E2F3: variants seen among roughly 807,000 people sequenced by gnomAD.
E2F3 encodes the protein transcription factor E2F3.
A neutral mutation model predicts 44.4 loss-of-function variants in E2F3; 11 were observed. The ratio of observed to expected loss-of-function variants is 0.25; its 90% confidence interval spans 0.16 to 0.41. The LOEUF is 0.41. E2F3 is among the 10% of genes least tolerant of loss of function. The pLI is 1.00. For missense variants in E2F3, 487 were observed against 583.6 expected, an observed-to-expected ratio of 0.83 and a Z score of 1.70; for synonymous variants, 249 against 253.0, an observed-to-expected ratio of 0.98 and a Z score of 0.15.
chr6:20,437,278 A>G (rs887431969), intron 1 of E2F3, among the ~76,000 whole-genome samples: 2 of 152,216 alleles, frequency 1.3e-5, no homozygotes, highest in African/African-American at 4.8e-5. Flanking sequence ...TAGCTTTTGA[A>G]ATGGCATCAA....
chr6:20,413,077 G>A (rs984447449), intron 1 of E2F3, among the ~76,000 whole-genome samples: 1 of 152,160 alleles, frequency 6.6e-6, no homozygotes, highest in Non-Finnish European at 1.5e-5. Flanking sequence ...ATTAATAAGT[G>A]GGGCAACTGA....
At chr6:20,481,178 A>C (rs1165868810) in intron 2 of E2F3, 28 bp from the exon 3 acceptor site, 1 of 1,608,454 alleles carries the variant, frequency 6.2e-7, no homozygotes, top group Admixed American at 1.7e-5. Flanking sequence ...CCTATCCCCC[A>C]CCCGCTCGGT....
At chr6:20,403,684 CA>C in intron 1 of E2F3, 3 of 566,076 alleles carry the variant, frequency 5.3e-6, no homozygotes, top group Non-Finnish European at 6.0e-6. Context: ...CCGGCACCGC[CA>C]CCCTCCCTCT....
intron 1 of E2F3, among the ~76,000 whole-genome samples, chr6:20,418,873 G>T (rs1023559945): frequency 2.0e-5 from 3 of 150,956 alleles, no homozygotes; most frequent in African/African-American, 2.4e-5. Context: ...CTTGTTTTTA[G>T]TACCTGCTTA....
At chr6:20,411,940 A>G (rs1759687506) in intron 1 of E2F3, among the ~76,000 whole-genome samples, 1 of 152,188 alleles carries the variant, frequency 6.6e-6, no homozygotes, top group East Asian at 1.9e-4. Flanking sequence ...TGCAGTGCCC[A>G]CTACACTATA....
chr6:20,416,648 G>T (rs1048939342), intron 1 of E2F3, among the ~76,000 whole-genome samples: 2 of 152,186 alleles, frequency 1.3e-5, no homozygotes, highest in African/African-American at 4.8e-5. Flanking sequence ...CAGCACTGGT[G>T]TATGGCTTAA....
At chr6:20,437,874 G>T (rs1022994720) in intron 1 of E2F3, 1 of 152,252 alleles carries the variant, frequency 6.6e-6, no homozygotes, top group Non-Finnish European at 1.5e-5. Flanking sequence ...ATGGAGAGCA[G>T]CCTTCGTGGC....
intron 3 of E2F3, among the ~76,000 whole-genome samples, chr6:20,482,411 G>C (rs1288744109): frequency 7.7e-6 from 1 of 129,852 alleles, no homozygotes; most frequent in Non-Finnish European, 1.6e-5. Context: ...ATCCTTTTTC[G>C]CCTTTCTTCC....
At position 20,402,497 on chromosome 6, in the gene E2F3, C is replaced by T. The variant is rs759274608; in HGVS notation, c.265C>T (p.Pro89Ser). The change falls in exon 1 of 7, where the codon CCC (proline) becomes TCC (serine). Residue 89 changes from proline (P) to serine (S), a missense_variant. Physicochemically the swap from Pro to Ser is moderately conservative, Grantham distance 74 (BLOSUM62 -1). Transcript: ENST00000346618. This position sits in a 1 kb window ranked among gnomAD's most constrained non-coding sequence, Gnocchi z 5.6. The part of the protein sequence containing the change: ...VAAGPLLPSA[P>S]GAEQTAGSLL... ...CGCCGGCCCCCTCCTCCCCAGTGCCCCCGGCGCGGAGCAGACCGCCGGCAG... is the reference window on the plus strand; with the variant it reads ...CGCCGGCCCCCTCCTCCCCAGTGCCTCCGGCGCGGAGCAGACCGCCGGCAG... 2 of 1,606,312 alleles carry T rather than the reference C, an allele frequency of 1.2e-6. No homozygotes were observed. Among genetic ancestry groups the T allele is most frequent in the Admixed American group, 1.7e-5 (1 of 59,916 alleles).
chr6:20,413,871 G>A (rs1249385371), intron 1 of E2F3, among the ~76,000 whole-genome samples: 1 of 152,214 alleles, frequency 6.6e-6, no homozygotes, highest in Non-Finnish European at 1.5e-5. Context: ...GAAGTGAAGG[G>A]CAGATTAAGG....
intron 1 of E2F3, among the ~76,000 whole-genome samples, chr6:20,428,634 G>T (rs987629388): frequency 1.3e-5 from 2 of 152,174 alleles, no homozygotes; most frequent in Admixed American, 1.3e-4. Context: ...GGGTCAGAAA[G>T]GTTAGCCCTC....
chr6:20,462,049 C>T (rs1186275121), intron 1 of E2F3, among the ~76,000 whole-genome samples: 2 of 152,060 alleles, frequency 1.3e-5, no homozygotes, highest in African/African-American at 4.8e-5. Context: ...CTAGGAATCC[C>T]CTATTCCTGT....
intron 1 of E2F3, among the ~76,000 whole-genome samples, chr6:20,433,684 A>G (rs1374196426): frequency 6.6e-6 from 1 of 152,152 alleles, no homozygotes; most frequent in Non-Finnish European, 1.5e-5. Flanking sequence ...ATTGCTTTTT[A>G]ATATTTTGAA....
intron 1 of E2F3, among the ~76,000 whole-genome samples, chr6:20,439,287 A>C (rs939268135): frequency 7.2e-5 from 11 of 152,268 alleles, no homozygotes; most frequent in Admixed American, 2.0e-4. Flanking sequence ...GTGAAACAGA[A>C]TGCAAAATTA....
Position 20,410,939 on chromosome 6 carries a change from T to G in E2F3, c.393+8314T>G, listed in dbSNP as rs148415014. 2.9e-3 allele frequency among the ~76,000 whole-genome samples: 439 copies of G among 152,302 alleles called. 2 individuals carry two copies. Among genetic ancestry groups the G allele is most frequent in the African/African-American group, 0.01 (422 of 41,564 alleles). On this transcript the variant is annotated intron_variant, in intron 1 of 6. Coordinates refer to ENST00000346618, the MANE Select transcript of E2F3 (RefSeq NM_001949.5). ...TCCTGGCCTGATCTATTTTCTTAAC[T>G]AGCCCTTAGTGTTCATTTCACCCCA... is the stretch of plus-strand genomic sequence containing the variant.
At chr6:20,424,331 C>T (rs192332946) in intron 1 of E2F3, among the ~76,000 whole-genome samples, 76 of 147,136 alleles carry the variant, frequency 5.2e-4, no homozygotes, top group South Asian at 1.5e-3. Context: ...GCTTTCCCCA[C>T]GCATGCACTT....
At chr6:20,403,760 G>A (rs1333786539) in intron 1 of E2F3, 10 of 1,490,416 alleles carry the variant, frequency 6.7e-6, no homozygotes, top group Admixed American at 4.3e-5. Flanking sequence ...CGGCCCTCCG[G>A]GCCCCCTCTC....
chr6:20,454,522 G>T (rs1761245137), intron 1 of E2F3, among the ~76,000 whole-genome samples: 1 of 152,146 alleles, frequency 6.6e-6, no homozygotes, highest in African/African-American at 2.4e-5. Flanking sequence ...GAGTCACAAA[G>T]ATACCTCACT....
At chr6:20,465,253 C>A (rs1204680060) in intron 1 of E2F3, among the ~76,000 whole-genome samples, 1 of 152,216 alleles carries the variant, frequency 6.6e-6, no homozygotes, top group Admixed American at 6.5e-5. Flanking sequence ...ACTATTGCCC[C>A]AGGCAATTTC....
Sources: gnomAD v4.1 joint callset for allele counts (sites outside exome capture counted in the v4.1 genomes callset) on GRCh38, gnomAD v4.1.1 for gene constraint, Gnocchi (gnomAD v3.1) non-coding constraint, MANE v1.5 for transcripts, NCBI Gene and HGNC (gene_info 2026-07-23, HGNC 2026-07-21) for gene names.